The following SEC24D variants were observed in gnomAD, a reference collection of about 807,000 sequenced individuals.
The protein encoded by SEC24D is protein transport protein Sec24D.
SEC24D carries 69 observed loss-of-function variants against 116.9 expected under a neutral mutation model. The observed-to-expected ratio is 0.59, with a 90% CI of 0.49 to 0.72. SEC24D has a LOEUF of 0.72. Ranked by LOEUF, SEC24D falls within the 30% of genes least tolerant of loss-of-function variation. The probability of loss-of-function intolerance (pLI) is 0.00; values close to 1 mark genes in which losing one functional copy is unlikely to be tolerated. For synonymous variants in SEC24D, 405 were observed against 442.8 expected, an observed-to-expected ratio of 0.91 and a Z score of 1.07; for missense variants, 1,131 against 1,264.1, an observed-to-expected ratio of 0.89 and a Z score of 1.60.
At chr4:118,789,449 T>G (rs1277268093) in intron 8 of SEC24D, among the ~76,000 whole-genome samples, 3 of 152,272 alleles carry the variant, frequency 2.0e-5, no homozygotes, top group Admixed American at 6.5e-5. Flanking sequence ...TTTCCTTTCT[T>G]GTTAACTCCA....
chr4:118,731,122 G>A, intron 21 of SEC24D, 194 bp downstream of exon 21: 1 of 573,988 alleles, frequency 1.7e-6, no homozygotes, highest in Admixed American at 3.0e-5. Context: ...TATTTTAGTT[G>A]TTTGAAAGTA....
chr4:118,751,694 A>G (rs945576669), intron 13 of SEC24D, among the ~76,000 whole-genome samples: 1 of 152,160 alleles, frequency 6.6e-6, no homozygotes, highest in African/African-American at 2.4e-5. Context: ...TAGTTCTGAT[A>G]TTGTTGGACT....
Position 118,792,887 on chromosome 4 carries a change from T to C in SEC24D, c.1041+4796A>G, listed in dbSNP as rs528326409. On this transcript the variant is annotated intron_variant, in intron 8 of 22. Coordinates refer to ENST00000280551, the MANE Select transcript of SEC24D (RefSeq NM_014822.4). Reference sequence around the variant, plus strand: ...CCGAGAAACACCCAAGAATGATCAATAAATACTAAAAAACAAAACAAAACA... The same window carrying C: ...CCGAGAAACACCCAAGAATGATCAACAAATACTAAAAAACAAAACAAAACA... Among the ~76,000 whole-genome samples, 3 of 152,282 alleles carry C rather than the reference T, an allele frequency of 2.0e-5. No individual in the cohort carries two copies. In the South Asian group the frequency reaches 6.2e-4, roughly 32 times the overall value.
At chr4:118,784,956 A>G (rs1486913113) in intron 8 of SEC24D, among the ~76,000 whole-genome samples, 1 of 152,122 alleles carries the variant, frequency 6.6e-6, no homozygotes, top group Non-Finnish European at 1.5e-5. Flanking sequence ...TACTAAAGCA[A>G]TCATAATTTG....
At chr4:118,761,788 C>T (rs1370410514) in intron 10 of SEC24D, among the ~76,000 whole-genome samples, 3 of 152,232 alleles carry the variant, frequency 2.0e-5, no homozygotes, top group Admixed American at 2.0e-4. Context: ...TTTCTGCTCA[C>T]TGTCCTAGTT....
intron 8 of SEC24D, among the ~76,000 whole-genome samples, chr4:118,788,115 G>A (rs990790043): frequency 2.6e-5 from 4 of 152,190 alleles, no homozygotes; most frequent in Admixed American, 1.3e-4. Context: ...CATCATGCCT[G>A]GCCATGTGTT....
In SEC24D at chr4:118,752,717, T is replaced by C. The variant is rs1289994035; in HGVS notation, c.1593A>G (p.Glu531=). The change falls in exon 12 of 23, where the codon GAA becomes GAG. Residue 531 remains glutamate, a synonymous_variant. Coordinates refer to ENST00000280551, the MANE Select transcript of SEC24D (RefSeq NM_014822.4). ...TTTACTTATGAATCACAGATTGGGATTCTTGATAGTTGACAAGGAAACCAT... is the reference window on the plus strand; with the variant it reads ...TTTACTTATGAATCACAGATTGGGACTCTTGATAGTTGACAAGGAAACCAT... ...LLDGFLVNYQ[E]SQSVIHNLLD... is the part of the protein sequence containing the mutation. 1.2e-6 allele frequency: 2 copies of C among 1,603,270 alleles called. No homozygotes were observed. The highest frequency in any genetic ancestry group is 4.5e-5 in the East Asian group (2 of 44,582).
At chr4:118,757,888 T>G (rs774538407) in intron 10 of SEC24D, 43 bp from the exon 11 acceptor site, 3 of 1,539,444 alleles carry the variant, frequency 1.9e-6, no homozygotes, top group Non-Finnish European at 2.6e-6. Context: ...GTAAATACAT[T>G]GCATAATCAA....
At chr4:118,771,326 C>A (rs1027534208) in intron 8 of SEC24D, among the ~76,000 whole-genome samples, 1 of 152,120 alleles carries the variant, frequency 6.6e-6, no homozygotes, top group African/African-American at 2.4e-5. Flanking sequence ...TCCCTGTCTG[C>A]CCTTTCTTTT....
intron 8 of SEC24D, among the ~76,000 whole-genome samples, chr4:118,778,685 C>T (rs1389929771): frequency 6.6e-6 from 1 of 152,162 alleles, no homozygotes; most frequent in Non-Finnish European, 1.5e-5. Flanking sequence ...CTATAAATTA[C>T]CTTGGGCAGT....
At chr4:118,787,959 T>C (rs1006533077) in intron 8 of SEC24D, among the ~76,000 whole-genome samples, 1 of 152,164 alleles carries the variant, frequency 6.6e-6, no homozygotes, top group Non-Finnish European at 1.5e-5. Context: ...ACTACAGGCA[T>C]GCATCACTGT....
At chr4:118,797,649 A>T in intron 8 of SEC24D, 34 bp downstream of exon 8, 1 of 1,481,018 alleles carries the variant, frequency 6.8e-7, no homozygotes, top group Non-Finnish European at 9.1e-7. Context: ...TGGAATTGAT[A>T]AATTATTGAA....
chr4:118,738,051 C>T, intron 19 of SEC24D: 1 of 480,094 alleles, frequency 2.1e-6, no homozygotes, highest in East Asian at 3.6e-5. Context: ...TGAATATGCA[C>T]ATCCATTTTT....
intron 6 of SEC24D, among the ~76,000 whole-genome samples, chr4:118,810,117 TGTG>T (rs1560737028): frequency 1.2e-4 from 17 of 147,682 alleles, no homozygotes; most frequent in African/African-American, 3.9e-4. Flanking sequence ...TGTGTGTGTG[TGTG>T]TGTGTGTGTG....
chr4:118,818,774 AG>A (rs745823685), intron 3 of SEC24D, among the ~76,000 whole-genome samples: 65 of 152,280 alleles, frequency 4.3e-4, no homozygotes, highest in Non-Finnish European at 7.4e-4. Flanking sequence ...AAAAAAAAAA[AG>A]AAAATGGTCT....
At chr4:118,787,394 T>A (rs1222694803) in intron 8 of SEC24D, among the ~76,000 whole-genome samples, 1 of 152,234 alleles carries the variant, frequency 6.6e-6, no homozygotes, top group Non-Finnish European at 1.5e-5. Flanking sequence ...TTCTTTAAGT[T>A]CTTTACAGGC....
chr4:118,793,635 C>T (rs1729048018), intron 8 of SEC24D, among the ~76,000 whole-genome samples: 1 of 152,286 alleles, frequency 6.6e-6, no homozygotes, highest in South Asian at 2.1e-4. Context: ...TGGGCACATG[C>T]CCCTGAGGAA....
At position 118,723,370 on chromosome 4, in the gene SEC24D, G is replaced by T; in HGVS notation, c.*145C>A. 1 of 760,212 alleles carries T rather than the reference G, an allele frequency of 1.3e-6. No individual in the cohort carries two copies. Among genetic ancestry groups the T allele is most frequent in the Non-Finnish European group, 2.1e-6 (1 of 483,464 alleles). The allele number at this position is 760,212 out of a possible 1,614,324, so 47.1% of individuals were successfully genotyped here. On this transcript the variant is annotated 3_prime_UTR_variant, in exon 23 of 23. Transcript: ENST00000280551. Reference sequence around the variant, plus strand: ...GGCTTTATACCTGAGCACCAAAGCTGAAGTTCTAAATGCCATCTCTTCCTG... The same window carrying T: ...GGCTTTATACCTGAGCACCAAAGCTTAAGTTCTAAATGCCATCTCTTCCTG...
chr4:118,804,885 T>TACACACACACACAC (rs71954957), intron 7 of SEC24D, among the ~76,000 whole-genome samples: 3,920 of 140,904 alleles, frequency 0.028, 75 homozygotes, highest in East Asian at 0.049. Context: ...TATGCATGCA[T>TACACACACACACAC]ACACACACAC....
Sources: allele counts gnomAD v4.1 joint callset (sites outside exome capture counted in the v4.1 genomes callset), GRCh38; gene constraint gnomAD v4.1.1; transcripts MANE v1.5; gene names NCBI Gene and HGNC (gene_info 2026-07-23, HGNC 2026-07-21).